The following CINP variants were observed in gnomAD, a reference collection of about 807,000 sequenced individuals.
The protein encoded by CINP is cyclin dependent kinase 2 interacting protein.
In CINP, 11 loss-of-function variants were observed where a neutral mutation model predicts 20.5. The ratio of observed to expected loss-of-function variants is 0.54; its 90% CI spans 0.34 to 0.89. The LOEUF is 0.89. Ranked by LOEUF, CINP falls within the 40% of genes least tolerant of loss-of-function variation. CINP has a pLI of 0.02. For synonymous variants in CINP, 108 were observed against 102.1 expected (o/e 1.06, Z -0.35); for missense variants, 213 against 251.0 (o/e 0.85, Z 1.02).
chr14:102,350,431 G>A (rs1886841216), intron 3 of CINP, among the ~76,000 whole-genome samples: 1 of 145,796 alleles, frequency 6.9e-6, no homozygotes, highest in Admixed American at 7.0e-5. Flanking sequence ...CATTCTGTGT[G>A]GCATGATCAT....
rs1036071396 is a variant in CINP at position 102,360,461 on chromosome 14, C to T, written c.8-874G>A. On this transcript the variant is annotated intron_variant, in intron 1 of 4. Transcript: ENST00000216756. ...CTCACTGCCCACAGGATAAAGTCCT[C>T]TTGAGGAATCCAGGACACACAACAG... is the stretch of plus-strand genomic sequence containing the variant. Among the ~76,000 whole-genome samples the T allele has an allele frequency of 1.1e-4, 16 of 152,220 alleles. No homozygotes were observed. In the South Asian group the frequency reaches 3.3e-3, roughly 32 times the overall value.
intron 1 of CINP, 190 bp downstream of exon 1, chr14:102,362,655 C>A (rs1293429607): frequency 1.3e-6 from 1 of 756,810 alleles, no homozygotes; most frequent in Non-Finnish European, 2.4e-6. Context: ...AAAACGGAGG[C>A]TCGGCAAAAC....
At chr14:102,362,083 G>A (rs1234275084) in intron 1 of CINP, among the ~76,000 whole-genome samples, 1 of 152,172 alleles carries the variant, frequency 6.6e-6, no homozygotes, top group African/African-American at 2.4e-5. Context: ...GGTAAATGGA[G>A]GAATAGCTCT....
chr14:102,355,815 C>T lies in CINP; in HGVS notation c.259G>A (p.Glu87Lys), dbSNP rs1025012227. 7.4e-6 allele frequency: 12 copies of T among 1,614,070 alleles called. No individual in the cohort carries two copies. The highest frequency in any genetic ancestry group is 1.0e-5 in the Non-Finnish European group (12 of 1,180,020). The change falls in exon 3 of 5, where the codon GAA (glutamate) becomes AAA (lysine). Residue 87 changes from glutamate (E) to lysine (K), a missense_variant. Coordinates refer to ENST00000216756, the MANE Select transcript of CINP (RefSeq NM_032630.3). ...AGTTCCTCACACAGCTTCTCCAGTT[C>T]CTCGTTATATTCCAGACACACCTTT... ...EEKVCLEYNEELEKLCEELQA... is the reference protein window; with the variant it reads ...EEKVCLEYNEKLEKLCEELQA...
intron 1 of CINP, among the ~76,000 whole-genome samples, chr14:102,361,852 A>T (rs550892146): frequency 3.4e-4 from 51 of 152,204 alleles, no homozygotes; most frequent in Non-Finnish European, 6.3e-4. Context: ...TTAGAAAGTC[A>T]TTTCCACAGA....
intron 3 of CINP, among the ~76,000 whole-genome samples, chr14:102,354,841 A>C (rs1008197136): frequency 6.6e-6 from 1 of 151,738 alleles, no homozygotes; most frequent in Non-Finnish European, 1.5e-5. Flanking sequence ...AGGCCAAGGC[A>C]GGCTGATCAC....
At chr14:102,354,150 A>G (rs1886940244) in intron 3 of CINP, among the ~76,000 whole-genome samples, 1 of 152,216 alleles carries the variant, frequency 6.6e-6, no homozygotes, top group South Asian at 2.1e-4. Flanking sequence ...AAGTTCAAAT[A>G]TGTGTAAAAC....
intron 1 of CINP, among the ~76,000 whole-genome samples, chr14:102,361,475 TAA>T (rs374911330): frequency 0.032 from 4,859 of 151,956 alleles, 99 homozygotes; most frequent in Non-Finnish European, 0.054. Context: ...TCATCTCTAC[TAA>T]AAAAATACAA....
chr14:102,358,396 C>T (rs1284320991), intron 2 of CINP, among the ~76,000 whole-genome samples: 1 of 152,192 alleles, frequency 6.6e-6, no homozygotes, highest in Admixed American at 6.5e-5. Context: ...GACAGTGAGA[C>T]ATGGCTGGGC....
chr14:102,352,961 A>T (rs983295696), intron 3 of CINP, among the ~76,000 whole-genome samples: 3 of 149,232 alleles, frequency 2.0e-5, no homozygotes, highest in Admixed American at 6.7e-5. Context: ...AACAAAAATT[A>T]AAAAAAAACA....
At chr14:102,348,834 A>C in intron 4 of CINP, 75 bp from the exon 5 acceptor site, 1 of 1,382,424 alleles carries the variant, frequency 7.2e-7, no homozygotes, top group Non-Finnish European at 1.0e-6. Context: ...ACTACATTTT[A>C]ACAGCTCTTG....
At chr14:102,361,223 CA>C (rs1296768786) in intron 1 of CINP, among the ~76,000 whole-genome samples, 1 of 151,810 alleles carries the variant, frequency 6.6e-6, no homozygotes, top group East Asian at 1.9e-4. Flanking sequence ...TTGGTGAGTT[CA>C]AAAAACAGAA....
chr14:102,356,918 T>C (rs900871418), intron 2 of CINP, among the ~76,000 whole-genome samples: 2 of 152,310 alleles, frequency 1.3e-5, no homozygotes, highest in African/African-American at 4.8e-5. Context: ...AATAGGAGGA[T>C]ACTGAAATCA....
intron 3 of CINP, among the ~76,000 whole-genome samples, chr14:102,354,688 C>T (rs938230962): frequency 1.3e-5 from 2 of 152,006 alleles, no homozygotes; most frequent in South Asian, 2.1e-4. Context: ...ACCCAGGAGG[C>T]GGAGGTTGCA....
At chr14:102,359,283 A>G (rs1485199100) in intron 2 of CINP, 136 bp downstream of exon 2, 1 of 352,854 alleles carries the variant, frequency 2.8e-6, no homozygotes, top group African/African-American at 2.2e-5. Flanking sequence ...AAAATGTACA[A>G]TACAATTTAT....
Position 102,351,184 on chromosome 14 carries a change from A to C in CINP, c.307-1136T>G, listed in dbSNP as rs1003157584. Reference sequence around the variant, plus strand: ...ACCTCCTTGACTTCCTTGTTTATAAAATGGCAACACAGAAAGGGAGCCCTA... The same window carrying C: ...ACCTCCTTGACTTCCTTGTTTATAACATGGCAACACAGAAAGGGAGCCCTA... On this transcript the variant is annotated intron_variant, in intron 3 of 4. Coordinates refer to ENST00000216756, the MANE Select transcript of CINP (RefSeq NM_032630.3). This position sits in a 1 kb window ranked among gnomAD's most constrained non-coding sequence, Gnocchi z 4.2. 8.5e-5 allele frequency among the ~76,000 whole-genome samples: 13 copies of C among 152,306 alleles called. No individual in the cohort carries two copies. Among genetic ancestry groups the C allele is most frequent in the African/African-American group, 3.1e-4 (13 of 41,574 alleles).
intron 3 of CINP, among the ~76,000 whole-genome samples, chr14:102,354,246 T>C (rs1232742421): frequency 6.6e-6 from 1 of 152,214 alleles, no homozygotes. Flanking sequence ...ATTTAGTTAT[T>C]AGTTCATTAA....
intron 4 of CINP, 90 bp downstream of exon 4, chr14:102,349,829 T>C: frequency 6.8e-7 from 1 of 1,461,388 alleles, no homozygotes; most frequent in Non-Finnish European, 9.4e-7. Flanking sequence ...GAAAGCCTTG[T>C]CAGCTTCTTA....
intron 3 of CINP, among the ~76,000 whole-genome samples, chr14:102,353,229 G>A (rs555899170): frequency 6.6e-6 from 1 of 152,200 alleles, no homozygotes; most frequent in African/African-American, 2.4e-5. Flanking sequence ...GCACCCTCAA[G>A]CAGGTGGTGA....
Sources: gnomAD v4.1 joint callset for allele counts (sites outside exome capture counted in the v4.1 genomes callset) on GRCh38, gnomAD v4.1.1 for gene constraint, Gnocchi (gnomAD v3.1) non-coding constraint, MANE v1.5 for transcripts, NCBI Gene and HGNC (gene_info 2026-07-23, HGNC 2026-07-21) for gene names.